Variants in VWC2 observed in about 807,000 individuals in gnomAD.
VWC2 encodes brorin.
VWC2 carries 14 observed loss-of-function variants against 29.8 expected under a neutral mutation model. The ratio of observed to expected loss-of-function variants is 0.47; its 90% confidence interval spans 0.31 to 0.74. VWC2 has a LOEUF of 0.74. VWC2 is among the 30% of genes least tolerant of loss of function. The pLI, the probability that VWC2 is intolerant of heterozygous loss-of-function variation, is 0.05. For synonymous variants in VWC2, 213 were observed against 199.0 expected (o/e 1.07, Z -0.59); for missense variants, 457 against 459.8 (o/e 0.99, Z 0.05).
At chr7:49,789,093 GGT>G (rs940173533) in intron 2 of VWC2, among the ~76,000 whole-genome samples, 2 of 134,808 alleles carry the variant, frequency 1.5e-5, no homozygotes, top group African/African-American at 3.2e-5. Context: ...TGTAGGTTTG[GGT>G]GTGAGAGAGA....
intron 3 of VWC2, among the ~76,000 whole-genome samples, chr7:49,879,146 T>C (rs1715296966): frequency 6.6e-6 from 1 of 152,202 alleles, no homozygotes; most frequent in East Asian, 1.9e-4. Context: ...TGTCAACGAC[T>C]ATATTTCTGG....
intron 3 of VWC2, among the ~76,000 whole-genome samples, chr7:49,865,434 G>C (rs1050262166): frequency 6.7e-4 from 102 of 152,310 alleles, no homozygotes; most frequent in African/African-American, 2.4e-3. Context: ...ACCGCAAAAC[G>C]TAGTGGCTTC....
intron 3 of VWC2, among the ~76,000 whole-genome samples, chr7:49,880,844 T>G (rs1791632058): frequency 6.6e-6 from 1 of 152,098 alleles, no homozygotes; most frequent in African/African-American, 2.4e-5. Context: ...GCTCTTCATT[T>G]TTGCCTATGA....
At chr7:49,794,100 G>A (rs1788526757) in intron 2 of VWC2, among the ~76,000 whole-genome samples, 1 of 152,176 alleles carries the variant, frequency 6.6e-6, no homozygotes, top group Non-Finnish European at 1.5e-5. Context: ...GACTGGAAGA[G>A]AAGCAAGAAT....
At chr7:49,850,225 A>T (rs1790121344) in intron 3 of VWC2, among the ~76,000 whole-genome samples, 1 of 152,192 alleles carries the variant, frequency 6.6e-6, no homozygotes, top group African/African-American at 2.4e-5. Context: ...TGAAGGTTTG[A>T]CTGTAGTAAC....
chr7:49,774,725 A>G (rs1179746224), intron 1 of VWC2, among the ~76,000 whole-genome samples: 1 of 152,130 alleles, frequency 6.6e-6, no homozygotes, highest in Non-Finnish European at 1.5e-5. Context: ...GCATCCTTTC[A>G]TGCAGCGGGG....
In VWC2 at chr7:49,877,475, A is replaced by AAATAAAAT. The variant is rs1554338213; in HGVS notation, c.827-34557_827-34556insTAAAATAA. ...GAAACTCTGTCTCAAAAAAAAAAAAAAAAAAAATATATATATATATATATA... is the reference window on the plus strand; with the variant it reads ...GAAACTCTGTCTCAAAAAAAAAAAAAAATAAAATAAAAAAATATATATATATATATATA... On this transcript the variant is annotated intron_variant, in intron 3 of 3. Coordinates refer to ENST00000340652, the MANE Select transcript of VWC2 (RefSeq NM_198570.5). 1.7e-4 allele frequency among the ~76,000 whole-genome samples: 3 copies of AAATAAAAT among 18,008 alleles called. 1 individual carries two copies. Among genetic ancestry groups the AAATAAAAT allele is most frequent in the Non-Finnish European group, 3.1e-4 (3 of 9,832 alleles). The allele number at this position is 18,008 out of a possible 152,430, so 11.8% of individuals were successfully genotyped here.
intron 3 of VWC2, among the ~76,000 whole-genome samples, chr7:49,867,840 A>AT (rs140005386): frequency 0.48 from 68,279 of 140,836 alleles, 15,887 homozygotes; most frequent in Middle Eastern, 0.55. Context: ...TTATTATTTT[A>AT]TTTTATTTTT....
chr7:49,902,660 T>C (rs1177348209), intron 3 of VWC2, among the ~76,000 whole-genome samples: 1 of 151,940 alleles, frequency 6.6e-6, no homozygotes, highest in African/African-American at 2.4e-5. Context: ...ATAACATTCT[T>C]ATGAAATAAC....
intron 3 of VWC2, among the ~76,000 whole-genome samples, chr7:49,819,568 G>A (rs914462971): frequency 6.6e-6 from 1 of 152,182 alleles, no homozygotes; most frequent in Non-Finnish European, 1.5e-5. Context: ...GTTACAAAAG[G>A]CAAGTTAAGA....
chr7:49,817,372 T>C (rs1300084885), intron 3 of VWC2, among the ~76,000 whole-genome samples: 2 of 152,360 alleles, frequency 1.3e-5, no homozygotes, highest in Admixed American at 6.5e-5. Flanking sequence ...CAGAGGTAAC[T>C]TGAATTGCAT....
At chr7:49,817,387 A>G (rs1479457041) in intron 3 of VWC2, among the ~76,000 whole-genome samples, 1 of 152,224 alleles carries the variant, frequency 6.6e-6, no homozygotes, top group Non-Finnish European at 1.5e-5. Context: ...TTGCATCCAA[A>G]ACACTTACAT....
At position 49,848,259 on chromosome 7, in the gene VWC2, CAG is replaced by C. The variant is rs548567978; in HGVS notation, c.826+45424_826+45425del. Among the ~76,000 whole-genome samples, 108 of 152,288 alleles carry C rather than the reference CAG, an allele frequency of 7.1e-4. 1 individual carries two copies. Among genetic ancestry groups the C allele is most frequent in the Middle Eastern group, 3.4e-3 (1 of 294 alleles). ...AGTCTGTGGTGCAGCACTAGCTGTC[CAG>C]AGAGTGTCACCCTCCCACCTCCACT... On this transcript the variant is annotated intron_variant, in intron 3 of 3. Coordinates refer to ENST00000340652, the MANE Select transcript of VWC2 (RefSeq NM_198570.5).
chr7:49,910,224 C>T (rs1205016793), intron 3 of VWC2, among the ~76,000 whole-genome samples: 2 of 152,194 alleles, frequency 1.3e-5, no homozygotes, highest in Non-Finnish European at 2.9e-5. Context: ...CCTCCACCTC[C>T]TGGGCGAACT....
At chr7:49,825,767 A>C (rs1219199011) in intron 3 of VWC2, among the ~76,000 whole-genome samples, 1 of 152,158 alleles carries the variant, frequency 6.6e-6, no homozygotes, top group Non-Finnish European at 1.5e-5. Context: ...AGCAACAAGA[A>C]ACTGATGTTT....
In VWC2 at chr7:49,875,438, GA is replaced by G. The variant is rs142568255; in HGVS notation, c.827-36586del. Among the ~76,000 whole-genome samples the G allele has an allele frequency of 3.4e-3, 438 of 127,712 alleles. 4 individuals carry two copies. Among genetic ancestry groups the G allele is most frequent in the African/African-American group, 0.011 (371 of 34,726 alleles). The allele number at this position is 127,712 out of a possible 152,430, so 83.8% of individuals were successfully genotyped here. On this transcript the variant is annotated intron_variant, in intron 3 of 3. Transcript: ENST00000340652. ...TGTTACATATATTTTTTAAAAATAG[GA>G]AAAAAAAAAGTATTTGAAGGTCAGT...
Position 49,776,045 on chromosome 7 carries a change from A to G in VWC2, c.610A>G (p.Thr204Ala), listed in dbSNP as rs1241055616. 6.5e-7 allele frequency: 1 copy of G among 1,548,698 alleles called. No individual in the cohort carries two copies. The highest frequency in any genetic ancestry group is 8.7e-7 in the Non-Finnish European group (1 of 1,153,236). The change falls in exon 2 of 4, where the codon ACG becomes GCG. Residue 204 changes from threonine to alanine, a missense_variant. By Grantham distance (58) the Thr-to-Ala change is moderately conservative. Coordinates refer to ENST00000340652, the MANE Select transcript of VWC2 (RefSeq NM_198570.5). Reference protein sequence around the residue: ...RLHPRCIHVDTSQCCPQCKER... With the variant: ...RLHPRCIHVDASQCCPQCKER... ...GCACCCGCGCTGCATCCACGTCGAC[A>G]CGAGCCAGTGCTGCCCGCAGTGCAA...
chr7:49,788,495 CAGTGTGTATG>C (rs752722195), intron 2 of VWC2, among the ~76,000 whole-genome samples: 185 of 144,874 alleles, frequency 1.3e-3, no homozygotes, highest in Non-Finnish European at 2.3e-3. Context: ...GTGTGTAAGA[CAGTGTGTATG>C]AGTGTGTGTG....
intron 3 of VWC2, among the ~76,000 whole-genome samples, chr7:49,840,596 G>A (rs1243839587): frequency 1.3e-5 from 2 of 152,136 alleles, no homozygotes; most frequent in African/African-American, 4.8e-5. Context: ...ATAAGTCTTT[G>A]TTAACTCCTC....
Sources: gnomAD v4.1 joint callset for allele counts (sites outside exome capture counted in the v4.1 genomes callset) on GRCh38, gnomAD v4.1.1 for gene constraint, MANE v1.5 for transcripts, NCBI Gene and HGNC (gene_info 2026-07-23, HGNC 2026-07-21) for gene names.